XIAP: variants seen among roughly 807,000 people sequenced by gnomAD.
The protein encoded by XIAP is X-linked inhibitor of apoptosis.
Under a neutral mutation model 33.1 loss-of-function variants are expected in XIAP, and 3 were observed. The observed-to-expected ratio is 0.09, with a 90% confidence interval of 0.04 to 0.23. XIAP has a LOEUF of 0.23. XIAP is among the 10% of genes least tolerant of loss of function. The probability of loss-of-function intolerance (pLI) is 1.00; values close to 1 mark genes in which losing one functional copy is unlikely to be tolerated. For missense variants in XIAP, 264 were observed against 363.0 expected, an observed-to-expected ratio of 0.73 and a Z score of 2.22; for synonymous variants, 98 against 121.3, an observed-to-expected ratio of 0.81 and a Z score of 1.26.
chrX:123,892,901 A>G (rs1238382498), intron 5 of XIAP, 128 bp downstream of exon 5: 3 of 569,731 alleles, frequency 5.3e-6, no homozygotes, highest in Non-Finnish European at 8.4e-6. Flanking sequence ...GCTCACTGCA[A>G]TCTCTGCCTC....
At chrX:123,873,008 G>A (rs1224094908) in intron 1 of XIAP, 1 of 108,278 alleles carries the variant, frequency 9.2e-6, no homozygotes, top group Non-Finnish European at 1.9e-5. Flanking sequence ...CTACAGGCAT[G>A]TGCAACCATG....
intron 6 of XIAP, among the ~76,000 whole-genome samples, chrX:123,903,128 A>G (rs1305877365): frequency 9.1e-6 from 1 of 110,006 alleles, no homozygotes; most frequent in Admixed American, 9.9e-5. Flanking sequence ...AAATGAGATG[A>G]TATGGTATCA....
Position 123,908,802 on chromosome X carries a change from A to T in XIAP, c.*1621A>T. 1 of 348,930 alleles carries T rather than the reference A, an allele frequency of 2.9e-6. No homozygotes were observed. Among genetic ancestry groups the T allele is most frequent in the Non-Finnish European group, 5.5e-6 (1 of 181,953 alleles). The allele number at this position is 348,930 out of a possible 1,213,427, so 28.8% of individuals were successfully genotyped here. Reference sequence around the variant, plus strand: ...TCAGTAGGGTATAAACTAGAAGTTTAAAAATGCTTCATAGAACGTCCAGGG... The same window carrying T: ...TCAGTAGGGTATAAACTAGAAGTTTTAAAATGCTTCATAGAACGTCCAGGG... On this transcript the variant is annotated 3_prime_UTR_variant, in exon 7 of 7. Coordinates refer to ENST00000371199, the MANE Select transcript of XIAP (RefSeq NM_001167.4).
chrX:123,860,732 C>T lies in XIAP; in HGVS notation c.-33+439C>T, dbSNP rs746801942. Among the ~76,000 whole-genome samples, 5 of 111,885 alleles carry T rather than the reference C, an allele frequency of 4.5e-5. No homozygotes were observed. In the East Asian group the frequency reaches 1.4e-3, roughly 31 times the overall value. On this transcript the variant is annotated intron_variant, in intron 1 of 6. Coordinates refer to ENST00000371199, the MANE Select transcript of XIAP (RefSeq NM_001167.4). The stretch of plus-strand genomic sequence containing the variant: ...GGTGATTCTTTCCAATCTGCTTTCC[C>T]AGTCACCTTTCCGGCATGTTCTGTA...
At position 123,910,089 on chromosome X, in the gene XIAP, A is replaced by G. The variant is rs1262927250; in HGVS notation, c.*2908A>G. The stretch of plus-strand genomic sequence containing the variant: ...ATGCAAAGATTCAAGTAGTTTTGCA[A>G]TAAGTACTTATCTTTATTTGTAATA... On this transcript the variant is annotated 3_prime_UTR_variant, in exon 7 of 7. Coordinates refer to ENST00000371199, the MANE Select transcript of XIAP (RefSeq NM_001167.4). The G allele has an allele frequency of 2.5e-5, 8 of 325,131 alleles. No homozygotes were observed. The highest frequency in any genetic ancestry group is 4.7e-5 in the Non-Finnish European group (8 of 168,533). 26.8% of individuals were successfully genotyped at this position (325,131 alleles called of 1,213,427 possible).
At chrX:123,864,621 C>T (rs2053113048) in intron 1 of XIAP, among the ~76,000 whole-genome samples, 1 of 102,836 alleles carries the variant, frequency 9.7e-6, no homozygotes, top group Admixed American at 1.1e-4. Flanking sequence ...CACCCGCCAC[C>T]ACACCCGGCT....
At chrX:123,888,000 T>TAAATA (rs1556405164) in intron 2 of XIAP, among the ~76,000 whole-genome samples, 32 of 98,046 alleles carry the variant, frequency 3.3e-4, no homozygotes, top group African/African-American at 1.4e-3. Context: ...AAAATAATAA[T>TAAATA]AATTAATAAA....
intron 1 of XIAP, 124 bp from the exon 2 acceptor site, chrX:123,885,507 A>G: frequency 2.0e-6 from 1 of 510,035 alleles, no homozygotes. Flanking sequence ...TAGAATTAGA[A>G]TGTTTCTTAG....
At chrX:123,880,237 A>G in intron 1 of XIAP, among the ~76,000 whole-genome samples, 1 of 97,286 alleles carries the variant, frequency 1.0e-5, no homozygotes, top group Non-Finnish European at 2.1e-5. Context: ...ACATAGAGGA[A>G]CCCTGTCTCT....
intron 5 of XIAP, among the ~76,000 whole-genome samples, chrX:123,898,338 TTTTG>T (rs919131526): frequency 5.4e-5 from 6 of 111,599 alleles, no homozygotes; most frequent in African/African-American, 6.5e-5. Flanking sequence ...GAGTTTTTCT[TTTTG>T]TTTGTTTGTT....
chrX:123,873,181 C>T (rs1439028684), intron 1 of XIAP, among the ~76,000 whole-genome samples: 2 of 109,266 alleles, frequency 1.8e-5, no homozygotes, highest in East Asian at 2.9e-4. Flanking sequence ...TACAGGCATG[C>T]GCCAGCACGC....
intron 1 of XIAP, among the ~76,000 whole-genome samples, chrX:123,881,782 G>A (rs1453855615): frequency 9.8e-6 from 1 of 102,382 alleles, no homozygotes; most frequent in Non-Finnish European, 2.0e-5. Flanking sequence ...TTGAGACAGA[G>A]TCTCACTCTA....
intron 1 of XIAP, among the ~76,000 whole-genome samples, chrX:123,877,503 A>C (rs1006939212): frequency 1.8e-5 from 2 of 112,570 alleles, no homozygotes; most frequent in Non-Finnish European, 3.7e-5. Flanking sequence ...CAAGTGCTTC[A>C]TAACATGGAA....
intron 1 of XIAP, among the ~76,000 whole-genome samples, chrX:123,866,534 TATA>T (rs1351026228): frequency 3.2e-4 from 23 of 72,586 alleles, no homozygotes; most frequent in Middle Eastern, 5.9e-3. Flanking sequence ...TATCAAAATA[TATA>T]ATATGTATAT....
In XIAP at chrX:123,909,910, C is replaced by G. The variant is rs745491539; in HGVS notation, c.*2729C>G. ...AGCACCGGATCTTTTCCATCTAATT[C>G]CGCAAAAATTGATCATTTGCAAAGT... On this transcript the variant is annotated 3_prime_UTR_variant, in exon 7 of 7. Transcript: ENST00000371199. 516 of 327,982 alleles carry G rather than the reference C, an allele frequency of 1.6e-3. 3 individuals carry two copies. The highest frequency in any genetic ancestry group is 5.8e-3 in the Middle Eastern group (6 of 1,041). The allele number at this position is 327,982 out of a possible 1,213,427, so 27.0% of individuals were successfully genotyped here. A position where few individuals can be genotyped will look rare whatever the true frequency, so the allele number is the denominator to read the frequency against.
chrX:123,911,816 T>G lies in XIAP; in HGVS notation c.*4635T>G. 3.0e-6 allele frequency: 1 copy of G among 329,925 alleles called. No homozygotes were observed. The highest frequency in any genetic ancestry group is 2.6e-5 in the African/African-American group (1 of 38,415). The allele number at this position is 329,925 out of a possible 1,213,427, so 27.2% of individuals were successfully genotyped here. ...CAATAATCATTTTCAGTTTGACTCA[T>G]ACAGTTAACACAATGTGAATTTCTT... On this transcript the variant is annotated 3_prime_UTR_variant, in exon 7 of 7. Transcript: ENST00000371199.
chrX:123,897,703 C>G (rs145275310), intron 5 of XIAP, among the ~76,000 whole-genome samples: 471 of 111,638 alleles, frequency 4.2e-3, no homozygotes, highest in Middle Eastern at 0.014. Context: ...GCTGGGACTA[C>G]AGGCACATGC....
At chrX:123,882,877 C>G (rs984712296) in intron 1 of XIAP, among the ~76,000 whole-genome samples, 6 of 111,581 alleles carry the variant, frequency 5.4e-5, no homozygotes, top group Non-Finnish European at 7.5e-5. Context: ...TTCCTGGGTT[C>G]AAGCAATTCT....
At chrX:123,867,076 GTT>G (rs139190557) in intron 1 of XIAP, among the ~76,000 whole-genome samples, 6 of 59,716 alleles carry the variant, frequency 1.0e-4, no homozygotes, top group Non-Finnish European at 1.7e-4. Context: ...TAACATTTCT[GTT>G]TTTTTTTTTG....
Sources: gnomAD v4.1 joint callset for allele counts (sites outside exome capture counted in the v4.1 genomes callset) on GRCh38, gnomAD v4.1.1 for gene constraint, MANE v1.5 for transcripts, NCBI Gene and HGNC (gene_info 2026-07-23, HGNC 2026-07-21) for gene names.